The following TENM3 variants were observed in gnomAD, a reference collection of about 807,000 sequenced individuals.
TENM3 encodes the protein teneurin transmembrane protein 3.
In TENM3, 63 loss-of-function variants were observed where a neutral mutation model predicts 255.1. The observed-to-expected ratio is 0.25, with a 90% CI of 0.20 to 0.30. TENM3 has a LOEUF of 0.30. TENM3 is among the 10% of genes least tolerant of loss of function. TENM3 has a pLI of 1.00. For missense variants in TENM3, 2,929 were observed against 3,461.1 expected, an observed-to-expected ratio of 0.85 and a Z score of 3.86; for synonymous variants, 1,306 against 1,322.3, an observed-to-expected ratio of 0.99 and a Z score of 0.27.
At chr4:182,133,266 G>C in the TENM3 span, among the ~76,000 whole-genome samples, 1 of 152,158 alleles carries the variant, frequency 6.6e-6, no homozygotes, top group Non-Finnish European at 1.5e-5. Context: ...TAGTGATAAT[G>C]CTTTATGTTA....
chr4:182,113,861 T>A, the TENM3 span, among the ~76,000 whole-genome samples: 1 of 152,210 alleles, frequency 6.6e-6, no homozygotes, highest in Admixed American at 6.5e-5. Flanking sequence ...GATGGGACTC[T>A]ATTTAAGTGA....
intron 1 of TENM3, among the ~76,000 whole-genome samples, chr4:182,244,661 A>C (rs1444316237): frequency 6.6e-6 from 1 of 152,204 alleles, no homozygotes; most frequent in Admixed American, 6.5e-5. Flanking sequence ...TCTTCCCTCC[A>C]GTGGTCCAGG....
chr4:182,629,251 A>G (rs919816588), intron 5 of TENM3, among the ~76,000 whole-genome samples: 2 of 152,208 alleles, frequency 1.3e-5, no homozygotes, highest in Middle Eastern at 3.4e-3. Context: ...TGCGTACTCA[A>G]TAGGGAGCTC....
chr4:181,775,647 A>T, the TENM3 span, among the ~76,000 whole-genome samples: 1 of 152,350 alleles, frequency 6.6e-6, no homozygotes, highest in Middle Eastern at 3.4e-3. Flanking sequence ...ATTCTTCTCC[A>T]TAAGCAGATG....
At chr4:182,012,524 A>G in the TENM3 span, 5 of 152,362 alleles carry the variant, frequency 3.3e-5, no homozygotes, top group South Asian at 4.1e-4. Context: ...GCCTCAAAGC[A>G]TCCTAGAAGC....
the TENM3 span, among the ~76,000 whole-genome samples, chr4:181,616,651 T>C: frequency 6.6e-6 from 1 of 152,092 alleles, no homozygotes; most frequent in Non-Finnish European, 1.5e-5. Flanking sequence ...CATCCAGTGA[T>C]GTAACTCAGT....
the TENM3 span, among the ~76,000 whole-genome samples, chr4:181,673,566 G>A: frequency 2.6e-5 from 4 of 152,176 alleles, no homozygotes; most frequent in South Asian, 2.1e-4. Context: ...CAATTGCAAC[G>A]AAGTCAGTTC....
the TENM3 span, among the ~76,000 whole-genome samples, chr4:181,779,534 T>A: frequency 3.9e-5 from 6 of 152,184 alleles, no homozygotes; most frequent in African/African-American, 1.4e-4. Context: ...ATTTTCAATT[T>A]TATATTATAA....
intron 1 of TENM3, among the ~76,000 whole-genome samples, chr4:182,220,470 C>T (rs565513720): frequency 8.0e-5 from 12 of 150,866 alleles, no homozygotes; most frequent in Middle Eastern, 3.4e-3. Context: ...AGGGCTCTGA[C>T]GGCCGATCTC....
chr4:181,572,370 A>G, the TENM3 span, among the ~76,000 whole-genome samples: 1 of 152,216 alleles, frequency 6.6e-6, no homozygotes, highest in Non-Finnish European at 1.5e-5. Context: ...CATATGAAAA[A>G]TAAGAAGATA....
chr4:181,675,436 A>T, the TENM3 span, among the ~76,000 whole-genome samples: 1 of 152,140 alleles, frequency 6.6e-6, no homozygotes, highest in Non-Finnish European at 1.5e-5. Flanking sequence ...ACAAACTTTT[A>T]TTATGATTAT....
At chr4:181,939,159 T>C in the TENM3 span, among the ~76,000 whole-genome samples, 10 of 152,238 alleles carry the variant, frequency 6.6e-5, no homozygotes, top group African/African-American at 2.4e-4. Context: ...AATTTGTTTC[T>C]ACCCATGAAA....
intron 3 of TENM3, among the ~76,000 whole-genome samples, chr4:182,441,194 A>G (rs984910488): frequency 6.6e-6 from 1 of 152,200 alleles, no homozygotes; most frequent in South Asian, 2.1e-4. Context: ...TGTAATTTTT[A>G]TAAACAAAAA....
chr4:182,630,953 GA>G, intron 5 of TENM3, among the ~76,000 whole-genome samples: 1 of 151,958 alleles, frequency 6.6e-6, no homozygotes, highest in East Asian at 1.9e-4. Flanking sequence ...TGACTAGCAG[GA>G]AAAAATAGCA....
At chr4:181,566,881 G>A in the TENM3 span, among the ~76,000 whole-genome samples, 7 of 152,256 alleles carry the variant, frequency 4.6e-5, no homozygotes, top group East Asian at 7.7e-4. Context: ...TGAGAAGCTC[G>A]GCGAAGCTGC....
At chr4:182,333,946 C>CTG (rs1251603279) in intron 2 of TENM3, among the ~76,000 whole-genome samples, 3 of 152,058 alleles carry the variant, frequency 2.0e-5, no homozygotes, top group Non-Finnish European at 4.4e-5. Flanking sequence ...TCCACATGAC[C>CTG]TGTGTGTGAA....
chr4:182,215,663 G>T (rs1050952715), intron 1 of TENM3, among the ~76,000 whole-genome samples: 1 of 152,128 alleles, frequency 6.6e-6, no homozygotes. Flanking sequence ...AAGGCCTAAG[G>T]TACAAATGTG....
the TENM3 span, among the ~76,000 whole-genome samples, chr4:181,533,551 A>G: frequency 6.6e-6 from 1 of 151,936 alleles, no homozygotes; most frequent in Non-Finnish European, 1.5e-5. Flanking sequence ...GAAGCCCCCA[A>G]CACCCGTTAT....
intron 24 of TENM3, among the ~76,000 whole-genome samples, chr4:182,784,405 G>A (rs1765446256): frequency 6.6e-6 from 1 of 151,774 alleles, no homozygotes; most frequent in Non-Finnish European, 1.5e-5. Flanking sequence ...GAGGCACTCT[G>A]CCAGTTTTCA....
Sources: allele counts gnomAD v4.1 joint callset (sites outside exome capture counted in the v4.1 genomes callset), GRCh38; gene constraint gnomAD v4.1.1; transcripts MANE v1.5; gene names NCBI Gene and HGNC (gene_info 2026-07-23, HGNC 2026-07-21).